DCDC2: variants seen among roughly 807,000 people sequenced by gnomAD.
DCDC2 encodes doublecortin domain-containing protein 2.
Under a neutral mutation model 50.2 loss-of-function variants are expected in DCDC2, and 40 were observed. That is an observed-to-expected ratio of 0.80 (90% CI 0.62 to 1.04). The LOEUF (loss-of-function observed/expected upper bound fraction) is 1.04, where lower values mean the gene tolerates loss of function less well. Ranked by LOEUF, DCDC2 falls within the 50% of genes least tolerant of loss-of-function variation. The pLI is 0.00. For missense variants in DCDC2, 570 were observed against 581.9 expected, an observed-to-expected ratio of 0.98 and a Z score of 0.21; for synonymous variants, 234 against 210.6, an observed-to-expected ratio of 1.11 and a Z score of -0.96.
chr6:24,184,345 G>A lies in DCDC2; in HGVS notation c.1024-5713C>T, dbSNP rs539940253. On this transcript the variant is annotated intron_variant, in intron 8 of 9. Coordinates refer to ENST00000378454, the MANE Select transcript of DCDC2 (RefSeq NM_016356.5). ...CCTAGCACTTTGGAGGCTGAGGCAG[G>A]AGGATTAACTGAGCTCGGGAGTTCA... Among the ~76,000 whole-genome samples the A allele has an allele frequency of 1.6e-3, 239 of 152,244 alleles. 3 individuals are homozygous for A. The highest frequency in any genetic ancestry group is 3.0e-3 in the Non-Finnish European group (202 of 68,012).
At chr6:24,298,878 A>C (rs1326635057) in intron 4 of DCDC2, among the ~76,000 whole-genome samples, 1 of 152,230 alleles carries the variant, frequency 6.6e-6, no homozygotes, top group African/African-American at 2.4e-5. Context: ...AGGCATTTGA[A>C]ACTTAATACA....
At chr6:24,223,748 G>A (rs1055987894) in intron 7 of DCDC2, among the ~76,000 whole-genome samples, 3 of 152,302 alleles carry the variant, frequency 2.0e-5, no homozygotes, top group East Asian at 1.9e-4. Context: ...AAATTACCAT[G>A]TGTCTGAGGA....
At chr6:24,359,328 A>T (rs868792357), upstream of DCDC2, among the ~76,000 whole-genome samples, 4 of 39,648 alleles carry the variant, frequency 1.0e-4, no homozygotes, top group African/African-American at 1.6e-4. Context: ...TTATATTTTT[A>T]TATATATTAT....
At chr6:24,203,514 A>T (rs1761634409) in intron 8 of DCDC2, among the ~76,000 whole-genome samples, 1 of 152,204 alleles carries the variant, frequency 6.6e-6, no homozygotes, top group African/African-American at 2.4e-5. Flanking sequence ...TAAATGTAAG[A>T]CCTAAAACCA....
chr6:24,365,799 GTTGTTGTTGTTT>G, the DCDC2 span: 6 of 152,208 alleles, frequency 3.9e-5, no homozygotes, highest in East Asian at 3.9e-4. Context: ...GTAATAGATT[GTTGTTGTTGTTT>G]TTGTTGTTGT....
chr6:24,209,147 T>C (rs1761798856), intron 7 of DCDC2, among the ~76,000 whole-genome samples: 1 of 152,346 alleles, frequency 6.6e-6, no homozygotes, highest in South Asian at 2.1e-4. Flanking sequence ...ACACATTTCA[T>C]GGACAAAGTC....
intron 2 of DCDC2, among the ~76,000 whole-genome samples, chr6:24,344,416 T>C (rs1760219207): frequency 6.6e-6 from 1 of 152,236 alleles, no homozygotes; most frequent in Non-Finnish European, 1.5e-5. Context: ...TCTCTTTGCT[T>C]AGAACAGCTT....
chr6:24,200,996 T>A (rs1359559920), intron 8 of DCDC2, among the ~76,000 whole-genome samples: 1 of 152,030 alleles, frequency 6.6e-6, no homozygotes, highest in East Asian at 1.9e-4. Context: ...AGCACCAAGA[T>A]TCATAAAGCA....
Position 24,238,838 on chromosome 6 carries a change from G to T in DCDC2, c.923-33736C>A, listed in dbSNP as rs559687284. ...GAAGATTACAGGGAATAGATTATAG[G>T]GCAACACAAGAAGGGGCTGGTTCAT... On this transcript the variant is annotated intron_variant, in intron 7 of 9. Transcript: ENST00000378454. Among the ~76,000 whole-genome samples, 99 of 152,236 alleles carry T rather than the reference G, an allele frequency of 6.5e-4. 1 individual carries two copies. In the Middle Eastern group the frequency reaches 0.01, roughly 16 times the overall value.
At chr6:24,290,690 T>G (rs891952365) in intron 5 of DCDC2, among the ~76,000 whole-genome samples, 1 of 147,146 alleles carries the variant, frequency 6.8e-6, no homozygotes, top group African/African-American at 2.5e-5. Flanking sequence ...ATAAATTTCA[T>G]GCATGCTAAA....
At chr6:24,367,971 A>T in the DCDC2 span, among the ~76,000 whole-genome samples, 1 of 152,178 alleles carries the variant, frequency 6.6e-6, no homozygotes. Context: ...TTTTTAAAAA[A>T]TTGTGAAGCA....
chr6:24,303,028 A>C (rs1759410577), intron 2 of DCDC2, among the ~76,000 whole-genome samples: 1 of 151,964 alleles, frequency 6.6e-6, no homozygotes, highest in African/African-American at 2.4e-5. Context: ...CTGTCTCAGA[A>C]GGAACTATAT....
At chr6:24,322,474 T>TC (rs895040333) in intron 2 of DCDC2, among the ~76,000 whole-genome samples, 2 of 145,896 alleles carry the variant, frequency 1.4e-5, no homozygotes, top group African/African-American at 2.5e-5. Context: ...GAATCTCCTT[T>TC]CCCCTTTGTT....
chr6:24,206,425 G>C (rs1761719608), intron 7 of DCDC2, among the ~76,000 whole-genome samples: 1 of 152,098 alleles, frequency 6.6e-6, no homozygotes. Context: ...AAGAAAAATA[G>C]GTATGTTTGA....
chr6:24,369,133 CAAAAAAA>C, the DCDC2 span, among the ~76,000 whole-genome samples: 5 of 92,812 alleles, frequency 5.4e-5, no homozygotes, highest in African/African-American at 2.4e-4. Context: ...GACTCTGTCT[CAAAAAAA>C]AAAAAAAAAA....
upstream of DCDC2, among the ~76,000 whole-genome samples, chr6:24,360,430 G>A (rs899253840): frequency 6.6e-6 from 1 of 152,160 alleles, no homozygotes; most frequent in Admixed American, 6.5e-5. Flanking sequence ...CAAGCTTTAC[G>A]CCAGGGAAAG....
intron 7 of DCDC2, among the ~76,000 whole-genome samples, chr6:24,252,798 G>A (rs572981496): frequency 2.0e-5 from 3 of 152,244 alleles, no homozygotes; most frequent in African/African-American, 7.2e-5. Flanking sequence ...CCTATGCTGA[G>A]CCATAATGCA....
the DCDC2 span, among the ~76,000 whole-genome samples, chr6:24,378,547 A>G: frequency 1.3e-5 from 2 of 152,088 alleles, no homozygotes; most frequent in Admixed American, 1.3e-4. Flanking sequence ...ATAAAGTTGA[A>G]GCTGCACTCG....
At chr6:24,323,574 A>C (rs1244989616) in intron 2 of DCDC2, among the ~76,000 whole-genome samples, 1 of 152,212 alleles carries the variant, frequency 6.6e-6, no homozygotes, top group African/African-American at 2.4e-5. Context: ...AATCATTTCA[A>C]AATGAAAAGT....
Sources: allele counts gnomAD v4.1 joint callset (sites outside exome capture counted in the v4.1 genomes callset), GRCh38; gene constraint gnomAD v4.1.1; transcripts MANE v1.5; gene names NCBI Gene and HGNC (gene_info 2026-07-23, HGNC 2026-07-21).